ARL15: variants seen among roughly 807,000 people sequenced by gnomAD.
ARL15 encodes the protein ARF like GTPase 15.
ARL15 carries 19 observed loss-of-function variants against 25.2 expected under a neutral mutation model. The ratio of observed to expected loss-of-function variants is 0.75; its 90% CI spans 0.53 to 1.10. The LOEUF (loss-of-function observed/expected upper bound fraction) is 1.10. Among genes scored for constraint, ARL15 ranks in the 50% least tolerant of loss-of-function variants. ARL15 has a pLI of 0.00. For missense variants in ARL15, 220 were observed against 246.0 expected (o/e 0.89, Z 0.71); for synonymous variants, 94 against 86.8 (o/e 1.08, Z -0.46).
chr5:54,054,256 A>G (rs1245209180), intron 4 of ARL15, among the ~76,000 whole-genome samples: 2 of 152,304 alleles, frequency 1.3e-5, no homozygotes, highest in East Asian at 3.9e-4. Context: ...ATGTATGCAT[A>G]TATACCTTTA....
intron 1 of ARL15, among the ~76,000 whole-genome samples, chr5:54,263,719 T>C (rs75256387): frequency 0.014 from 2,179 of 152,270 alleles, 24 homozygotes; most frequent in Non-Finnish European, 0.02. Context: ...GGCAATATTC[T>C]GAGCAACAGG....
chr5:54,156,223 A>G (rs1171814093), intron 2 of ARL15, among the ~76,000 whole-genome samples: 3 of 152,326 alleles, frequency 2.0e-5, no homozygotes, highest in South Asian at 4.1e-4. Flanking sequence ...AGCAGTACAT[A>G]GTATATAATG....
chr5:54,133,897 C>G (rs573733370), intron 3 of ARL15, among the ~76,000 whole-genome samples: 4 of 151,568 alleles, frequency 2.6e-5, no homozygotes, highest in Non-Finnish European at 5.9e-5. Context: ...ATGTTAAGAT[C>G]AGATAAGAAA....
At chr5:54,205,197 C>T (rs1245255559) in intron 1 of ARL15, among the ~76,000 whole-genome samples, 2 of 152,102 alleles carry the variant, frequency 1.3e-5, no homozygotes, top group Admixed American at 6.6e-5. Context: ...AAGTACTTTC[C>T]AAGCACTTTG....
At chr5:54,277,613 G>A (rs13360884) in intron 1 of ARL15, among the ~76,000 whole-genome samples, 7 of 152,092 alleles carry the variant, frequency 4.6e-5, no homozygotes, top group Admixed American at 2.0e-4. Flanking sequence ...TTAGCCGGGC[G>A]TGGTGGCGGG....
At chr5:54,230,275 G>C (rs1295215287) in intron 1 of ARL15, among the ~76,000 whole-genome samples, 1 of 149,702 alleles carries the variant, frequency 6.7e-6, no homozygotes, top group East Asian at 1.9e-4. Flanking sequence ...TGAACCGGCA[G>C]GCGGAGGTTG....
intron 1 of ARL15, among the ~76,000 whole-genome samples, chr5:54,287,045 T>G (rs1219299416): frequency 6.6e-6 from 1 of 151,706 alleles, no homozygotes; most frequent in Non-Finnish European, 1.5e-5. Flanking sequence ...ACCCAGCTAA[T>G]TTTGTTTATT....
chr5:54,149,151 G>A (rs1176064775), intron 3 of ARL15, among the ~76,000 whole-genome samples: 1 of 152,110 alleles, frequency 6.6e-6, no homozygotes, highest in Non-Finnish European at 1.5e-5. Context: ...AAGTACATAA[G>A]GCAAATGCAA....
chr5:54,217,726 T>C (rs187609783), intron 1 of ARL15, among the ~76,000 whole-genome samples: 104 of 152,244 alleles, frequency 6.8e-4, no homozygotes, highest in African/African-American at 2.4e-3. Context: ...TCGGTAGAAT[T>C]AGAGGAAAAA....
intron 1 of ARL15, among the ~76,000 whole-genome samples, chr5:54,244,677 C>G (rs982594607): frequency 6.6e-6 from 1 of 152,100 alleles, no homozygotes; most frequent in African/African-American, 2.4e-5. Context: ...CTACCAGGCT[C>G]TGGAAATTGA....
Position 54,303,025 on chromosome 5 carries a change from G to C in ARL15, c.48+7407C>G, listed in dbSNP as rs183666869. Among the ~76,000 whole-genome samples the C allele has an allele frequency of 2.4e-4, 37 of 152,242 alleles. No individual in the cohort carries two copies. The East Asian group carries it at 6.8e-3, about 28-fold the overall frequency. On this transcript the variant is annotated intron_variant, in intron 1 of 4. Transcript: ENST00000504924. ...TTCCCACTTCTTGTCACCTACAATA[G>C]TTATGAGACCTTCCCTAACAAGCTT... is the stretch of plus-strand genomic sequence containing the variant.
intron 4 of ARL15, among the ~76,000 whole-genome samples, chr5:53,947,424 A>T (rs1746786130): frequency 6.6e-6 from 1 of 152,108 alleles, no homozygotes; most frequent in Admixed American, 6.5e-5. Context: ...TCTTAGCCAA[A>T]ACTAATCAAA....
chr5:54,181,753 G>C (rs932490167), intron 1 of ARL15, among the ~76,000 whole-genome samples: 2 of 152,146 alleles, frequency 1.3e-5, no homozygotes, highest in Non-Finnish European at 2.9e-5. Flanking sequence ...GATGAACATA[G>C]CGAGACCCCA....
intron 4 of ARL15, among the ~76,000 whole-genome samples, chr5:54,019,374 G>T (rs1389220265): frequency 6.6e-6 from 1 of 152,028 alleles, no homozygotes; most frequent in African/African-American, 2.4e-5. Context: ...TTTTAAGAGG[G>T]TCTACATTAT....
At chr5:54,234,589 T>C (rs1041084241) in intron 1 of ARL15, among the ~76,000 whole-genome samples, 62 of 152,200 alleles carry the variant, frequency 4.1e-4, no homozygotes, top group Non-Finnish European at 7.3e-5. Context: ...TGCTTTATAC[T>C]AATGAATTAT....
chr5:54,188,720 T>G (rs1275781696), intron 1 of ARL15, among the ~76,000 whole-genome samples: 1 of 152,130 alleles, frequency 6.6e-6, no homozygotes, highest in Non-Finnish European at 1.5e-5. Flanking sequence ...CTTAACAAAT[T>G]CTGCACATAT....
intron 4 of ARL15, among the ~76,000 whole-genome samples, chr5:54,056,069 T>C (rs1269051711): frequency 6.6e-6 from 1 of 152,138 alleles, no homozygotes; most frequent in African/African-American, 2.4e-5. Flanking sequence ...ATGCATACTG[T>C]AGAAAGTGTG....
In ARL15 at chr5:53,897,592, G is replaced by A. The variant is rs903481250; in HGVS notation, c.463-10879C>T. Among the ~76,000 whole-genome samples the A allele has an allele frequency of 2.6e-5, 4 of 152,124 alleles. No homozygotes were observed. In the East Asian group the frequency reaches 7.7e-4, roughly 29 times the overall value. ...TTCTTTTGGGTATATATCTAGGGAT[G>A]GAATTCCTGGGTCATGTGTTAAATC... On this transcript the variant is annotated intron_variant, in intron 4 of 4. Transcript: ENST00000504924.
At chr5:54,187,281 C>G (rs1384437623) in intron 1 of ARL15, among the ~76,000 whole-genome samples, 1 of 152,130 alleles carries the variant, frequency 6.6e-6, no homozygotes, top group Non-Finnish European at 1.5e-5. Context: ...ATGCTGGGGC[C>G]CTGGCTACCA....
Sources: gnomAD v4.1 joint callset for allele counts (sites outside exome capture counted in the v4.1 genomes callset) on GRCh38, gnomAD v4.1.1 for gene constraint, MANE v1.5 for transcripts, NCBI Gene and HGNC (gene_info 2026-07-23, HGNC 2026-07-21) for gene names.